The following INSYN2B variants were observed in gnomAD, a reference collection of about 807,000 sequenced individuals.
INSYN2B encodes the protein protein INSYN2B.
INSYN2B carries 16 observed loss-of-function variants against 41.2 expected under a neutral mutation model. The observed-to-expected ratio is 0.39, with a 90% CI of 0.26 to 0.59. The LOEUF is 0.59. Among genes scored for constraint, INSYN2B ranks in the 20% least tolerant of loss-of-function variants. The probability of loss-of-function intolerance (pLI) is 0.57; values close to 1 mark genes in which losing one functional copy is unlikely to be tolerated. For missense variants in INSYN2B, 608 were observed against 646.4 expected, an observed-to-expected ratio of 0.94 and a Z score of 0.64; for synonymous variants, 245 against 244.4, an observed-to-expected ratio of 1.00 and a Z score of -0.02.
At chr5:169,945,063 G>A (rs1391598725) in intron 1 of INSYN2B, among the ~76,000 whole-genome samples, 1 of 152,196 alleles carries the variant, frequency 6.6e-6, no homozygotes, top group East Asian at 1.9e-4. Flanking sequence ...GGACAAAAGA[G>A]CATTCACAGG....
At chr5:169,950,960 G>T (rs1016530472) in intron 1 of INSYN2B, among the ~76,000 whole-genome samples, 1 of 152,342 alleles carries the variant, frequency 6.6e-6, no homozygotes, top group Middle Eastern at 3.4e-3. Context: ...AATTTGATGA[G>T]ACTATATAAA....
At chr5:169,874,821 G>A (rs1033155026) in intron 3 of INSYN2B, among the ~76,000 whole-genome samples, 1 of 152,082 alleles carries the variant, frequency 6.6e-6, no homozygotes, top group African/African-American at 2.4e-5. Context: ...AATCTCCCAA[G>A]TATTGCATAA....
At chr5:169,878,894 T>C (rs1456504788) in intron 3 of INSYN2B, among the ~76,000 whole-genome samples, 1 of 152,186 alleles carries the variant, frequency 6.6e-6, no homozygotes, top group Non-Finnish European at 1.5e-5. Context: ...CGGAAATCCC[T>C]GCAAGCTCCT....
At chr5:169,878,223 C>A (rs75371428) in intron 3 of INSYN2B, among the ~76,000 whole-genome samples, 2 of 152,106 alleles carry the variant, frequency 1.3e-5, no homozygotes, top group Admixed American at 1.3e-4. Context: ...TGAAAAGGAG[C>A]CGATTCCTTA....
chr5:169,910,822 T>A (rs1191404227), intron 1 of INSYN2B, among the ~76,000 whole-genome samples: 1 of 152,202 alleles, frequency 6.6e-6, no homozygotes, highest in African/African-American at 2.4e-5. Context: ...GTGAGGTCAG[T>A]CACTGGCTCC....
intron 1 of INSYN2B, among the ~76,000 whole-genome samples, chr5:169,978,020 A>G (rs938450359): frequency 2.0e-5 from 3 of 152,112 alleles, no homozygotes; most frequent in Admixed American, 6.5e-5. Context: ...CCTAGAAAGA[A>G]CTTTTCATCT....
chr5:169,899,788 T>C (rs1773815724), intron 1 of INSYN2B, among the ~76,000 whole-genome samples: 1 of 152,238 alleles, frequency 6.6e-6, no homozygotes, highest in Non-Finnish European at 1.5e-5. Flanking sequence ...GTGTTCACAG[T>C]GTTGTGCCTT....
At chr5:169,929,979 G>GTTTA (rs755922614) in intron 1 of INSYN2B, among the ~76,000 whole-genome samples, 1 of 151,354 alleles carries the variant, frequency 6.6e-6, no homozygotes, top group African/African-American at 2.5e-5. Flanking sequence ...AACTTTATTT[G>GTTTA]TTTATTTATT....
chr5:169,910,879 A>AG (rs1330893436), intron 1 of INSYN2B, among the ~76,000 whole-genome samples: 1 of 152,182 alleles, frequency 6.6e-6, no homozygotes, highest in African/African-American at 2.4e-5. Flanking sequence ...TTTCTCCTGC[A>AG]GGGGGTTGGT....
chr5:169,902,423 T>G lies in INSYN2B; in HGVS notation c.-918-17607A>C, dbSNP rs139596780. On this transcript the variant is annotated intron_variant, in intron 1 of 3. Transcript: ENST00000377365. Reference sequence around the variant, plus strand: ...TTTGCCAAGCCACCACAGTAGTGAATAGTCCAGCAGGGCCTTGTGCTCCAG... The same window carrying G: ...TTTGCCAAGCCACCACAGTAGTGAAGAGTCCAGCAGGGCCTTGTGCTCCAG... 1.9e-3 allele frequency among the ~76,000 whole-genome samples: 285 copies of G among 152,320 alleles called. 3 individuals carry two copies. The highest frequency in any genetic ancestry group is 0.012 in the Admixed American group (178 of 15,300).
intron 1 of INSYN2B, among the ~76,000 whole-genome samples, chr5:169,955,988 G>A (rs1776849547): frequency 6.6e-6 from 1 of 151,794 alleles, no homozygotes; most frequent in Non-Finnish European, 1.5e-5. Context: ...ACAGGGTGTG[G>A]CTCTGGAGCT....
At chr5:169,866,886 G>C (rs1255057244) in intron 3 of INSYN2B, among the ~76,000 whole-genome samples, 1 of 152,190 alleles carries the variant, frequency 6.6e-6, no homozygotes, top group Non-Finnish European at 1.5e-5. Flanking sequence ...GCCACCAGTT[G>C]GGTGTCTTCC....
intron 1 of INSYN2B, among the ~76,000 whole-genome samples, chr5:169,919,329 T>C (rs73325985): frequency 0.019 from 2,957 of 152,246 alleles, 98 homozygotes; most frequent in African/African-American, 0.068. Flanking sequence ...ATGCTCTCCT[T>C]GAAGGTTTAT....
intron 1 of INSYN2B, among the ~76,000 whole-genome samples, chr5:169,909,126 G>A (rs955783206): frequency 2.0e-5 from 3 of 152,196 alleles, no homozygotes; most frequent in Non-Finnish European, 4.4e-5. Flanking sequence ...CACCTTTGCT[G>A]TGCCTCCATT....
Position 169,965,588 on chromosome 5 carries a change from A to G in INSYN2B, c.-919+14689T>C, listed in dbSNP as rs546071766. On this transcript the variant is annotated intron_variant, in intron 1 of 3. Transcript: ENST00000377365. ...ATATTAAGATCACCCAGGGAGCGTTAAACATCCCAATGTCGGGAGAGCTGG... is the reference window on the plus strand; with the variant it reads ...ATATTAAGATCACCCAGGGAGCGTTGAACATCCCAATGTCGGGAGAGCTGG... Among the ~76,000 whole-genome samples the G allele has an allele frequency of 3.3e-5, 5 of 152,320 alleles. No homozygotes were observed. In the East Asian group the frequency reaches 7.7e-4, roughly 23 times the overall value.
At position 169,882,985 on chromosome 5, in the gene INSYN2B, G is replaced by T. The variant is rs375307639; in HGVS notation, c.914C>A (p.Ser305Tyr). 6,106 of 1,551,724 alleles carry T rather than the reference G, an allele frequency of 3.9e-3. 291 individuals carry two copies. The South Asian group carries it at 0.068, about 17-fold the overall frequency. ...SQSKETCVPS[S>Y]PRTHSSPSQG... ...TGAGGGGGAACTGTGAGTCCGTGGA[G>T]ATGAAGGAACACACGTTTCCTTTGA... Residue 305 changes from serine to tyrosine, a missense_variant, in exon 2 of 4, where the codon TCT (serine) becomes TAT (tyrosine). By Grantham distance (144) the Ser-to-Tyr change is moderately radical. Coordinates refer to ENST00000377365, the MANE Select transcript of INSYN2B (RefSeq NM_001129891.3).
At chr5:169,872,450 G>T (rs1425234179) in intron 3 of INSYN2B, among the ~76,000 whole-genome samples, 2 of 152,146 alleles carry the variant, frequency 1.3e-5, no homozygotes, top group African/African-American at 4.8e-5. Context: ...TTTTTATAGG[G>T]TTTAATTTTG....
At chr5:169,908,571 G>A (rs550817434) in intron 1 of INSYN2B, among the ~76,000 whole-genome samples, 47 of 152,228 alleles carry the variant, frequency 3.1e-4, no homozygotes, top group African/African-American at 9.4e-4. Context: ...GGTCCTGGAC[G>A]TTTTTGTCTA....
intron 1 of INSYN2B, among the ~76,000 whole-genome samples, chr5:169,910,792 A>G (rs1774552740): frequency 6.6e-6 from 1 of 152,214 alleles, no homozygotes; most frequent in African/African-American, 2.4e-5. Flanking sequence ...GAGAAATGGC[A>G]GGTGCCCCTT....
Sources: gnomAD v4.1 joint callset for allele counts (sites outside exome capture counted in the v4.1 genomes callset) on GRCh38, gnomAD v4.1.1 for gene constraint, MANE v1.5 for transcripts, NCBI Gene and HGNC (gene_info 2026-07-23, HGNC 2026-07-21) for gene names.